RPS6KC1: variants seen among roughly 807,000 people sequenced by gnomAD.
RPS6KC1 encodes the protein ribosomal protein S6 kinase C1, also known as inactive ribosomal protein S6 kinase delta-1.
Under a neutral mutation model 103.8 loss-of-function variants are expected in RPS6KC1, and 54 were observed. The observed-to-expected ratio is 0.52, with a 90% confidence interval of 0.42 to 0.65. RPS6KC1 has a LOEUF of 0.65. RPS6KC1 is among the 30% of genes least tolerant of loss of function. The pLI is 0.00. For missense variants in RPS6KC1, 1,151 were observed against 1,253.8 expected, an observed-to-expected ratio of 0.92 and a Z score of 1.24; for synonymous variants, 439 against 438.7, an observed-to-expected ratio of 1.00 and a Z score of -0.01.
At chr1:213,068,873 A>G (rs866451925) in intron 1 of RPS6KC1, among the ~76,000 whole-genome samples, 125 of 127,396 alleles carry the variant, frequency 9.8e-4, no homozygotes, top group African/African-American at 1.8e-3. Flanking sequence ...AAGTGTATAT[A>G]TGTGTGTGTG....
chr1:213,652,266 T>C, the RPS6KC1 span, among the ~76,000 whole-genome samples: 8 of 152,226 alleles, frequency 5.3e-5, no homozygotes, highest in East Asian at 1.9e-4. Flanking sequence ...GCTTTACATA[T>C]GTTAACTTTA....
rs1030287176 is a variant in RPS6KC1 at position 213,245,252 on chromosome 1, T to C, written c.2911+2594T>C. On this transcript the variant is annotated intron_variant, in intron 12 of 14. Coordinates refer to ENST00000366960, the MANE Select transcript of RPS6KC1 (RefSeq NM_012424.6). ...TCAAAGGATGGAAGCAATGATAATA[T>C]GTTAATATTTCAATACTTAAAAATA... is the stretch of plus-strand genomic sequence containing the variant. Among the ~76,000 whole-genome samples, 18 of 152,212 alleles carry C rather than the reference T, an allele frequency of 1.2e-4. No individual in the cohort carries two copies. In the East Asian group the frequency reaches 1.3e-3, roughly 11 times the overall value.
At chr1:213,235,786 T>A (rs1156717709) in intron 10 of RPS6KC1, among the ~76,000 whole-genome samples, 1 of 152,192 alleles carries the variant, frequency 6.6e-6, no homozygotes, top group East Asian at 1.9e-4. Context: ...TGAGATAAGA[T>A]GTTATTGGGG....
chr1:213,714,481 A>G, the RPS6KC1 span, among the ~76,000 whole-genome samples: 2 of 152,348 alleles, frequency 1.3e-5, no homozygotes, highest in African/African-American at 4.8e-5. Flanking sequence ...GAAGGATTCA[A>G]TTGATTAAAA....
At chr1:213,294,055 G>A in the RPS6KC1 span, among the ~76,000 whole-genome samples, 13 of 152,124 alleles carry the variant, frequency 8.5e-5, no homozygotes, top group African/African-American at 1.9e-4. Flanking sequence ...AAAGCAACCC[G>A]AGCACCATTA....
At chr1:213,090,203 T>G (rs1189214448) in intron 3 of RPS6KC1, among the ~76,000 whole-genome samples, 1 of 152,226 alleles carries the variant, frequency 6.6e-6, no homozygotes, top group East Asian at 1.9e-4. Flanking sequence ...TAAGAAGTCA[T>G]CAGTCTGAGG....
At chr1:213,527,851 G>T in the RPS6KC1 span, among the ~76,000 whole-genome samples, 1 of 151,914 alleles carries the variant, frequency 6.6e-6, no homozygotes, top group Non-Finnish European at 1.5e-5. Context: ...AGAAATAGAT[G>T]ATGAACATAC....
the RPS6KC1 span, among the ~76,000 whole-genome samples, chr1:213,543,451 C>T: frequency 7.0e-4 from 107 of 152,280 alleles, no homozygotes; most frequent in Middle Eastern, 3.4e-3. Context: ...AGAACTCACC[C>T]ATGTCTTCCA....
chr1:213,509,519 T>G, the RPS6KC1 span, among the ~76,000 whole-genome samples: 1 of 152,202 alleles, frequency 6.6e-6, no homozygotes, highest in African/African-American at 2.4e-5. Flanking sequence ...CCTGTTTTTG[T>G]ATGGGATTTA....
intron 4 of RPS6KC1, among the ~76,000 whole-genome samples, chr1:213,112,555 T>A (rs542901128): frequency 4.8e-4 from 73 of 151,578 alleles, no homozygotes; most frequent in African/African-American, 1.7e-3. Flanking sequence ...TTTTTTTTAT[T>A]TTTATTTATT....
chr1:213,077,493 A>T (rs1055461784), intron 2 of RPS6KC1, among the ~76,000 whole-genome samples: 1 of 152,154 alleles, frequency 6.6e-6, no homozygotes, highest in Non-Finnish European at 1.5e-5. Flanking sequence ...TTTATTTTAT[A>T]TTATTTTCCT....
At chr1:213,466,228 G>A in the RPS6KC1 span, among the ~76,000 whole-genome samples, 5 of 151,958 alleles carry the variant, frequency 3.3e-5, no homozygotes, top group African/African-American at 7.3e-5. Flanking sequence ...TACAACCTAA[G>A]TAAAAAAGAT....
chr1:213,785,541 T>A, the RPS6KC1 span, among the ~76,000 whole-genome samples: 1 of 147,082 alleles, frequency 6.8e-6, no homozygotes, highest in South Asian at 2.3e-4. Context: ...TTTATCTCCA[T>A]GCCAACTTTT....
chr1:213,360,408 C>G, the RPS6KC1 span, among the ~76,000 whole-genome samples: 1 of 152,236 alleles, frequency 6.6e-6, no homozygotes, highest in African/African-American at 2.4e-5. Context: ...TCAGCTCCAT[C>G]AGGTCCTTTA....
the RPS6KC1 span, among the ~76,000 whole-genome samples, chr1:213,668,209 A>T: frequency 1.3e-5 from 2 of 151,840 alleles, no homozygotes; most frequent in Admixed American, 6.6e-5. Context: ...TATTTATGAC[A>T]GCTAAAGCCT....
the RPS6KC1 span, among the ~76,000 whole-genome samples, chr1:213,745,595 G>A: frequency 9.2e-5 from 14 of 152,114 alleles, no homozygotes; most frequent in Admixed American, 2.0e-4. Flanking sequence ...TTGTCTGAGC[G>A]CCCAGCCCCA....
At chr1:213,250,401 C>G (rs1347589021) in intron 12 of RPS6KC1, among the ~76,000 whole-genome samples, 1 of 152,084 alleles carries the variant, frequency 6.6e-6, no homozygotes, top group Non-Finnish European at 1.5e-5. Context: ...TTTGAATAAG[C>G]AATTGAGTAC....
chr1:213,554,064 A>G, the RPS6KC1 span, among the ~76,000 whole-genome samples: 4 of 152,226 alleles, frequency 2.6e-5, no homozygotes, highest in African/African-American at 4.8e-5. Context: ...TTTGGTTGCA[A>G]TTGCTTTTGA....
intron 1 of RPS6KC1, among the ~76,000 whole-genome samples, chr1:213,063,920 A>C (rs1392203265): frequency 6.6e-6 from 1 of 152,068 alleles, no homozygotes; most frequent in East Asian, 1.9e-4. Context: ...TTTTTAGTAG[A>C]GTGTAAGGTA....
Sources: gnomAD v4.1 joint callset for allele counts (sites outside exome capture counted in the v4.1 genomes callset) on GRCh38, gnomAD v4.1.1 for gene constraint, MANE v1.5 for transcripts, NCBI Gene and HGNC (gene_info 2026-07-23, HGNC 2026-07-21) for gene names.